Variants in CSNK2A2IP observed in about 807,000 individuals in gnomAD.
CSNK2A2IP encodes casein kinase II subunit alpha'-interacting protein.
At chr3:88,385,327 G>A in the CSNK2A2IP span, among the ~76,000 whole-genome samples, 1 of 152,098 alleles carries the variant, frequency 6.6e-6, no homozygotes, top group South Asian at 2.1e-4. Flanking sequence ...TAATGCTGCT[G>A]AGTCATTATG....
At chr3:88,364,719 T>C in the CSNK2A2IP span, among the ~76,000 whole-genome samples, 1 of 152,156 alleles carries the variant, frequency 6.6e-6, no homozygotes, top group Non-Finnish European at 1.5e-5. Context: ...CCCTGAGTTA[T>C]ATAATTTTTC....
chr3:88,401,236 AC>A, the CSNK2A2IP span, among the ~76,000 whole-genome samples: 1 of 152,120 alleles, frequency 6.6e-6, no homozygotes, highest in East Asian at 1.9e-4. Flanking sequence ...TAGACTGCTT[AC>A]TTAAAGAATT....
chr3:88,349,274 C>T, the CSNK2A2IP span, among the ~76,000 whole-genome samples: 1 of 151,888 alleles, frequency 6.6e-6, no homozygotes, highest in East Asian at 1.9e-4. Context: ...GTCTTTTGTC[C>T]TTCTCCCCAC....
the CSNK2A2IP span, among the ~76,000 whole-genome samples, chr3:88,398,084 A>G: frequency 2.6e-5 from 4 of 152,118 alleles, no homozygotes; most frequent in South Asian, 2.1e-4. Flanking sequence ...ACATTGAACT[A>G]CGTCCAACTC....
the CSNK2A2IP span, among the ~76,000 whole-genome samples, chr3:88,353,956 A>G: frequency 6.6e-6 from 1 of 152,274 alleles, no homozygotes; most frequent in East Asian, 1.9e-4. Context: ...GTGGGTGGAT[A>G]CCTCATCACA....
At chr3:88,447,700 C>T in the CSNK2A2IP span, among the ~76,000 whole-genome samples, 1 of 151,942 alleles carries the variant, frequency 6.6e-6, no homozygotes, top group African/African-American at 2.4e-5. Flanking sequence ...GATACATAGG[C>T]AGTAACTGAG....
chr3:88,386,553 A>C, the CSNK2A2IP span, among the ~76,000 whole-genome samples: 1 of 152,322 alleles, frequency 6.6e-6, no homozygotes, highest in South Asian at 2.1e-4. Flanking sequence ...TCAGGGAGTG[A>C]CTATAATGAT....
the CSNK2A2IP span, among the ~76,000 whole-genome samples, chr3:88,402,505 C>A: frequency 6.6e-6 from 1 of 151,950 alleles, no homozygotes; most frequent in African/African-American, 2.4e-5. Flanking sequence ...AACCTAGAAA[C>A]AACCTAAATG....
chr3:88,396,439 A>G, the CSNK2A2IP span, among the ~76,000 whole-genome samples: 1 of 152,202 alleles, frequency 6.6e-6, no homozygotes, highest in Admixed American at 6.5e-5. Flanking sequence ...TAATCAAGTA[A>G]CTTGACCTTA....
the CSNK2A2IP span, among the ~76,000 whole-genome samples, chr3:88,347,795 T>C: frequency 2.0e-5 from 3 of 152,056 alleles, no homozygotes; most frequent in African/African-American, 7.2e-5. Flanking sequence ...CTGTTTTGTA[T>C]ATCTTCTATC....
At chr3:88,360,582 G>A in the CSNK2A2IP span, among the ~76,000 whole-genome samples, 6 of 152,180 alleles carry the variant, frequency 3.9e-5, no homozygotes, top group South Asian at 1.2e-3. Flanking sequence ...TTACTTGTAG[G>A]CAGCATGTAG....
the CSNK2A2IP span, among the ~76,000 whole-genome samples, chr3:88,396,924 A>G: frequency 6.6e-6 from 1 of 152,158 alleles, no homozygotes; most frequent in East Asian, 1.9e-4. Context: ...TTCAGGAGGT[A>G]ATTTAGAGAA....
chr3:88,388,984 C>A, the CSNK2A2IP span, among the ~76,000 whole-genome samples: 1 of 151,542 alleles, frequency 6.6e-6, no homozygotes, highest in African/African-American at 2.4e-5. Flanking sequence ...AACAATGAAC[C>A]AGCAGACCAA....
the CSNK2A2IP span, among the ~76,000 whole-genome samples, chr3:88,452,767 G>T: frequency 6.6e-6 from 1 of 152,016 alleles, no homozygotes; most frequent in East Asian, 1.9e-4. Flanking sequence ...CTTTTTTTCA[G>T]GGAATAAAAA....
At chr3:88,435,855 G>A in the CSNK2A2IP span, among the ~76,000 whole-genome samples, 2 of 149,982 alleles carry the variant, frequency 1.3e-5, no homozygotes, top group Non-Finnish European at 3.0e-5. Context: ...AATGAAAGAT[G>A]TTTTGAGATA....
At chr3:88,430,003 C>A in the CSNK2A2IP span, among the ~76,000 whole-genome samples, 1 of 151,820 alleles carries the variant, frequency 6.6e-6, no homozygotes, top group Non-Finnish European at 1.5e-5. Context: ...CCTCGTGATC[C>A]TCCTCCCTCA....
At chr3:88,466,597 TTAAAG>T in the CSNK2A2IP span, 2 of 1,231,592 alleles carry the variant, frequency 1.6e-6, no homozygotes. Context: ...TCCTTGGACT[TTAAAG>T]TATAGTCAGC....
the CSNK2A2IP span, among the ~76,000 whole-genome samples, chr3:88,379,113 T>A: frequency 5.9e-5 from 9 of 152,142 alleles, no homozygotes; most frequent in South Asian, 1.7e-3. Context: ...AAAGTCAATC[T>A]GACCACAGAG....
At chr3:88,426,739 C>A in the CSNK2A2IP span, among the ~76,000 whole-genome samples, 2 of 152,092 alleles carry the variant, frequency 1.3e-5, no homozygotes, top group Non-Finnish European at 2.9e-5. Context: ...GCTTTGCCTT[C>A]GCCATGATTG....
Sources: allele counts gnomAD v4.1 joint callset (sites outside exome capture counted in the v4.1 genomes callset), GRCh38; gene constraint gnomAD v4.1.1; transcripts MANE v1.5; gene names NCBI Gene and HGNC (gene_info 2026-07-23, HGNC 2026-07-21).